ARHGAP35: variants seen among roughly 807,000 people sequenced by gnomAD.
ARHGAP35 encodes rho GTPase-activating protein 35.
A neutral mutation model predicts 111.1 loss-of-function variants in ARHGAP35; 15 were observed. The ratio of observed to expected loss-of-function variants is 0.13; its 90% confidence interval spans 0.09 to 0.21. The LOEUF is 0.21. Among genes scored for constraint, ARHGAP35 ranks in the 10% least tolerant of loss-of-function variants. The pLI, the probability that ARHGAP35 is intolerant of heterozygous loss-of-function variation, is 1.00. For synonymous variants in ARHGAP35, 643 were observed against 710.3 expected, an observed-to-expected ratio of 0.91 and a Z score of 1.51; for missense variants, 1,262 against 1,873.0, an observed-to-expected ratio of 0.67 and a Z score of 6.02.
intron 3 of ARHGAP35, among the ~76,000 whole-genome samples, chr19:46,976,178 C>T (rs995845702): frequency 6.7e-6 from 1 of 150,048 alleles, no homozygotes; most frequent in Non-Finnish European, 1.5e-5. Context: ...TGCTTTCCCA[C>T]AGTCCAAATA....
intron 3 of ARHGAP35, among the ~76,000 whole-genome samples, chr19:46,965,022 G>A (rs911866379): frequency 1.3e-5 from 2 of 152,092 alleles, no homozygotes; most frequent in Non-Finnish European, 2.9e-5. Context: ...TTAAAATTGA[G>A]TCTTTTTAGG....
At chr19:46,870,843 C>CT (rs2055883822) in intron 1 of ARHGAP35, among the ~76,000 whole-genome samples, 1 of 151,434 alleles carries the variant, frequency 6.6e-6, no homozygotes. Context: ...TAAGTTTTTT[C>CT]TTAAAAAAAA....
chr19:46,867,224 T>G (rs1172583591), intron 1 of ARHGAP35, among the ~76,000 whole-genome samples: 1 of 152,212 alleles, frequency 6.6e-6, no homozygotes, highest in Non-Finnish European at 1.5e-5. Context: ...GACTTGCCTA[T>G]CTCTCTCATC....
At position 46,926,304 on chromosome 19, in the gene ARHGAP35, C is replaced by T. The variant is rs2056237526; in HGVS notation, c.3681+3948C>T. Among the ~76,000 whole-genome samples, 1 of 152,204 alleles carries T rather than the reference C, an allele frequency of 6.6e-6. No homozygotes were observed. The highest frequency in any genetic ancestry group is 2.4e-5 in the African/African-American group (1 of 41,448). Reference sequence around the variant, plus strand: ...GCTGAACCATTTAGCAACCCACCCTCATAGTGGGAGCCTTCCGCACTCAGC... The same window carrying T: ...GCTGAACCATTTAGCAACCCACCCTTATAGTGGGAGCCTTCCGCACTCAGC... On this transcript the variant is annotated intron_variant, in intron 2 of 6. Transcript: ENST00000672722. The surrounding 1 kb of genome is among the most constrained non-coding windows in gnomAD (Gnocchi z 4.1).
chr19:46,987,333 A>G (rs1271297190), intron 3 of ARHGAP35, among the ~76,000 whole-genome samples: 1 of 146,736 alleles, frequency 6.8e-6, no homozygotes, highest in African/African-American at 2.6e-5. Context: ...CTCCTGCCTC[A>G]GCCTCCCAAG....
rs565530965 is a variant in ARHGAP35 at position 46,922,190 on chromosome 19, G to C, written c.3515G>C (p.Arg1172Pro). 6.2e-7 allele frequency: 1 copy of C among 1,613,996 alleles called. No individual in the cohort carries two copies. The highest frequency in any genetic ancestry group is 8.5e-7 in the Non-Finnish European group (1 of 1,179,904). ...CGGCTGGGGCGGTTTGCTAGTTACC[G>C]GACCAGCTTCAGCGTGGGGAGTGAT... ...CTRLGRFASY[R>P]TSFSVGSDDE... is the part of the protein sequence containing the mutation. Residue 1172 changes from arginine (R) to proline (P), a missense_variant, in exon 2 of 7, where the codon CGG (arginine) becomes CCG (proline). Around this residue, in one of 8 missense-constraint regions of ARHGAP35, gnomAD observed 579 missense variants for 716.9 expected, o/e 0.81. Coordinates refer to ENST00000672722, the MANE Select transcript of ARHGAP35 (RefSeq NM_004491.5). This position sits in a 1 kb window ranked among gnomAD's most constrained non-coding sequence, Gnocchi z 4.0.
intron 1 of ARHGAP35, among the ~76,000 whole-genome samples, chr19:46,890,332 GTCTT>G (rs1183819902): frequency 6.6e-6 from 1 of 152,164 alleles, no homozygotes; most frequent in African/African-American, 2.4e-5. Flanking sequence ...TAGTAAAAAT[GTCTT>G]TCTATTTGAA....
Position 46,921,934 on chromosome 19 carries a change from T to G in ARHGAP35, c.3259T>G (p.Tyr1087Asp). 6.2e-7 allele frequency: 1 copy of G among 1,614,014 alleles called. No individual in the cohort carries two copies. The highest frequency in any genetic ancestry group is 8.5e-7 in the Non-Finnish European group (1 of 1,179,886). ...TCAGGATGGGTTTGATCCTTCTGAC[T>G]ATGCTGAACCCATGGATGCTGTGGT... ...LPQDGFDPSDYAEPMDAVVKP... is the reference protein window; with the variant it reads ...LPQDGFDPSDDAEPMDAVVKP... The change falls in exon 2 of 7, where the codon TAT becomes GAT. Residue 1087 changes from tyrosine (Y) to aspartate (D), a missense_variant. Physicochemically the swap from Tyr to Asp is radical, Grantham distance 160 (BLOSUM62 -3). Around this residue, in one of 8 missense-constraint regions of ARHGAP35, gnomAD observed 579 missense variants for 716.9 expected, o/e 0.81. Transcript: ENST00000672722. This position sits in a 1 kb window ranked among gnomAD's most constrained non-coding sequence, Gnocchi z 4.3.
Position 46,888,316 on chromosome 19 carries a change from AT to A in ARHGAP35, c.-189+27108del, listed in dbSNP as rs1299678378. Reference sequence around the variant, plus strand: ...TATATATATATATATATATATATATATAAAATATTGATTTTATACACACACA... The same window carrying A: ...TATATATATATATATATATATATATAAAAATATTGATTTTATACACACACA... On this transcript the variant is annotated intron_variant, in intron 1 of 6. Transcript: ENST00000672722. Among the ~76,000 whole-genome samples, 27 of 60,496 alleles carry A rather than the reference AT, an allele frequency of 4.5e-4. 1 individual carries two copies. Among genetic ancestry groups the A allele is most frequent in the Admixed American group, 1.0e-3 (5 of 4,902 alleles). 39.7% of individuals were successfully genotyped at this position (60,496 alleles called of 152,430 possible). A position where few individuals can be genotyped will look rare whatever the true frequency, so the allele number is the denominator to read the frequency against.
chr19:46,921,887 T>C lies in ARHGAP35; in HGVS notation c.3212T>C (p.Val1071Ala). The change falls in exon 2 of 7, where the codon GTG (valine) becomes GCG (alanine). Residue 1071 changes from valine (V) to alanine (A), a missense_variant. Coordinates refer to ENST00000672722, the MANE Select transcript of ARHGAP35 (RefSeq NM_004491.5). The surrounding 1 kb of genome is among the most constrained non-coding windows in gnomAD (Gnocchi z 4.3). ...QGHRDGQRKS[V>A]SSSPWLPQDG... ...CATAGGGATGGACAGAGGAAGTCTG[T>C]GTCTTCTAGCCCCTGGCTGCCTCAG... 1 of 1,614,002 alleles carries C rather than the reference T, an allele frequency of 6.2e-7. No homozygotes were observed. Among genetic ancestry groups the C allele is most frequent in the Non-Finnish European group, 8.5e-7 (1 of 1,179,872 alleles).
intron 3 of ARHGAP35, among the ~76,000 whole-genome samples, chr19:46,955,816 A>G (rs939421953): frequency 6.6e-6 from 1 of 152,232 alleles, no homozygotes; most frequent in Admixed American, 6.5e-5. Context: ...TAATTGCTGT[A>G]TGATTGTCAA....
At chr19:46,907,474 C>CTTTT (rs1555756180) in intron 1 of ARHGAP35, among the ~76,000 whole-genome samples, 9 of 113,508 alleles carry the variant, frequency 7.9e-5, no homozygotes, top group South Asian at 2.6e-4. Context: ...TTCTTAGCTT[C>CTTTT]TTTTTTTGTT....
rs2056663479 is a variant in ARHGAP35 at position 46,988,557 on chromosome 19, AG to A, written c.3904+494del. 6.3e-6 allele frequency: 1 copy of A among 158,594 alleles called. No individual in the cohort carries two copies. The highest frequency in any genetic ancestry group is 1.4e-5 in the Non-Finnish European group (1 of 71,854). The allele number at this position is 158,594 out of a possible 1,614,324, so 9.8% of individuals were successfully genotyped here. On this transcript the variant is annotated intron_variant, in intron 4 of 6. Transcript: ENST00000672722. The surrounding 1 kb of genome is among the most constrained non-coding windows in gnomAD (Gnocchi z 5.4). Reference sequence around the variant, plus strand: ...AGACCCAAGTTACATAGCTCTTGGCAGGGACTCCCTTCTCCTAAGCTGAGCC... The same window carrying A: ...AGACCCAAGTTACATAGCTCTTGGCAGGACTCCCTTCTCCTAAGCTGAGCC...
intron 1 of ARHGAP35, among the ~76,000 whole-genome samples, chr19:46,896,770 T>C (rs1430363926): frequency 1.3e-5 from 2 of 152,206 alleles, no homozygotes; most frequent in Non-Finnish European, 2.9e-5. Flanking sequence ...AGCTGCTCTG[T>C]TGGGTTACTG....
intron 3 of ARHGAP35, among the ~76,000 whole-genome samples, chr19:46,944,178 T>C (rs2056365220): frequency 1.3e-5 from 2 of 151,696 alleles, no homozygotes; most frequent in East Asian, 3.9e-4. Context: ...TCCATGCCTG[T>C]AGTCCCAGCT....
At chr19:46,960,451 A>G (rs975515734) in intron 3 of ARHGAP35, among the ~76,000 whole-genome samples, 2 of 152,202 alleles carry the variant, frequency 1.3e-5, no homozygotes, top group Non-Finnish European at 2.9e-5. Context: ...TCTTTTGTAT[A>G]TGAAGAATTT....
At chr19:46,903,172 T>G (rs895487890) in intron 1 of ARHGAP35, among the ~76,000 whole-genome samples, 2 of 152,046 alleles carry the variant, frequency 1.3e-5, no homozygotes, top group Non-Finnish European at 2.9e-5. Context: ...GGGAGACACA[T>G]GCAATAGTGA....
At chr19:46,977,613 AGG>A (rs2056586569) in intron 3 of ARHGAP35, among the ~76,000 whole-genome samples, 1 of 152,192 alleles carries the variant, frequency 6.6e-6, no homozygotes, top group South Asian at 2.1e-4. Context: ...CTGTGAACTC[AGG>A]GGTCTACCAG....
At position 47,001,472 on chromosome 19, in the gene ARHGAP35, CGGGAGGGAGGGAG is replaced by C; in HGVS notation, c.*786_*798del. The C allele has an allele frequency of 8.6e-7, 1 of 1,158,752 alleles. No individual in the cohort carries two copies. The highest frequency in any genetic ancestry group is 1.1e-6 in the Non-Finnish European group (1 of 874,470). The allele number at this position is 1,158,752 out of a possible 1,614,324, so 71.8% of individuals were successfully genotyped here. A position where few individuals can be genotyped will look rare whatever the true frequency, so the allele number is the denominator to read the frequency against. On this transcript the variant is annotated 3_prime_UTR_variant, in exon 7 of 7. Coordinates refer to ENST00000672722, the MANE Select transcript of ARHGAP35 (RefSeq NM_004491.5). The surrounding 1 kb of genome is among the most constrained non-coding windows in gnomAD (Gnocchi z 5.4). ...GATTCCACTCTGTGCCCGCCTCTGC[CGGGAGGGAGGGAG>C]GCACACAGGTGGAGCTGACCCTCGT...
Sources: allele counts gnomAD v4.1 joint callset (sites outside exome capture counted in the v4.1 genomes callset), GRCh38; gene constraint gnomAD v4.1.1; regional missense constraint gnomAD v4.1.1; non-coding constraint Gnocchi (gnomAD v3.1); transcripts MANE v1.5; gene names NCBI Gene and HGNC (gene_info 2026-07-23, HGNC 2026-07-21).